MACROD2: variants seen among roughly 807,000 people sequenced by gnomAD.
The protein encoded by MACROD2 is mono-ADP ribosylhydrolase 2.
MACROD2 carries 36 observed loss-of-function variants against 70.4 expected under a neutral mutation model. The observed-to-expected ratio is 0.51, with a 90% CI of 0.39 to 0.68. The LOEUF is 0.68. MACROD2 is among the 30% of genes least tolerant of loss of function. The pLI, the probability that MACROD2 is intolerant of heterozygous loss-of-function variation, is 0.00. For synonymous variants in MACROD2, 172 were observed against 178.8 expected, an observed-to-expected ratio of 0.96 and a Z score of 0.30; for missense variants, 496 against 538.4, an observed-to-expected ratio of 0.92 and a Z score of 0.78.
chr20:15,965,354 C>T (rs1323066261), intron 12 of MACROD2, among the ~76,000 whole-genome samples: 1 of 152,102 alleles, frequency 6.6e-6, no homozygotes, highest in Non-Finnish European at 1.5e-5. Context: ...AAATGCTTTT[C>T]GCCCATCTTA....
chr20:15,603,037 C>G (rs2048844294), intron 8 of MACROD2, among the ~76,000 whole-genome samples: 2 of 151,936 alleles, frequency 1.3e-5, no homozygotes, highest in Admixed American at 1.3e-4. Context: ...GAGGGGGAGG[C>G]TTTATTTATA....
At chr20:14,818,026 G>T (rs1416232702) in intron 5 of MACROD2, among the ~76,000 whole-genome samples, 1 of 152,090 alleles carries the variant, frequency 6.6e-6, no homozygotes, top group South Asian at 2.1e-4. Flanking sequence ...ATCTTCTGTG[G>T]GCTTACATCC....
At chr20:14,008,076 C>T (rs2052847368) in intron 2 of MACROD2, among the ~76,000 whole-genome samples, 1 of 152,110 alleles carries the variant, frequency 6.6e-6, no homozygotes, top group Admixed American at 6.5e-5. Context: ...CAAAGATGGC[C>T]TCTCTCACCA....
intron 10 of MACROD2, among the ~76,000 whole-genome samples, chr20:15,898,143 T>C (rs1049387323): frequency 2.6e-5 from 4 of 152,116 alleles, no homozygotes; most frequent in Non-Finnish European, 5.9e-5. Context: ...AAAACTGACA[T>C]AGGCAAATCT....
intron 3 of MACROD2, among the ~76,000 whole-genome samples, chr20:14,430,809 G>C (rs1339897233): frequency 6.6e-6 from 1 of 152,130 alleles, no homozygotes; most frequent in Non-Finnish European, 1.5e-5. Context: ...TTCAAGGAAG[G>C]CTGCATGAGA....
intron 4 of MACROD2, among the ~76,000 whole-genome samples, chr20:14,548,717 C>CAAAAA (rs769527111): frequency 1.1e-5 from 1 of 89,238 alleles, no homozygotes; most frequent in Non-Finnish European, 2.3e-5. Context: ...GACTCCGTCT[C>CAAAAA]AAAAAAAAAA....
intron 4 of MACROD2, among the ~76,000 whole-genome samples, chr20:14,567,336 T>C (rs1979877605): frequency 6.6e-6 from 1 of 152,036 alleles, no homozygotes; most frequent in Non-Finnish European, 1.5e-5. Context: ...GCTAGATCCA[T>C]ATTTAATGGG....
intron 6 of MACROD2, among the ~76,000 whole-genome samples, chr20:15,313,510 A>G (rs1227988640): frequency 1.3e-4 from 19 of 151,114 alleles, no homozygotes; most frequent in Non-Finnish European, 2.5e-4. Context: ...CCGTCTCAAA[A>G]AAAAAAAAAA....
At chr20:14,704,982 A>G (rs2071252323) in intron 5 of MACROD2, among the ~76,000 whole-genome samples, 1 of 151,932 alleles carries the variant, frequency 6.6e-6, no homozygotes, top group Non-Finnish European at 1.5e-5. Flanking sequence ...ATTTAATAGT[A>G]TATATAGTTA....
At chr20:15,936,231 A>C (rs1257818514) in intron 11 of MACROD2, among the ~76,000 whole-genome samples, 1 of 145,668 alleles carries the variant, frequency 6.9e-6, no homozygotes, top group Non-Finnish European at 1.5e-5. Flanking sequence ...TAAACTATAG[A>C]GTCCATGTAG....
At chr20:15,770,084 A>ATTTTTTTTTTTTTTTTTTTTTT (rs1234797549) in intron 8 of MACROD2, among the ~76,000 whole-genome samples, 2 of 125,702 alleles carry the variant, frequency 1.6e-5, no homozygotes, top group Admixed American at 8.0e-5. Flanking sequence ...ATTTATTTTA[A>ATTTTTTTTTTTTTTTTTTTTTT]TTTTCTTTTT....
chr20:15,464,279 G>A lies in MACROD2; in HGVS notation c.571+32844G>A, dbSNP rs144788657. ...GATCCTCCTGCTTCAGCCTCCCAAC[G>A]TGTTGGGATTACAGGCATGAGCCAC... On this transcript the variant is annotated intron_variant, in intron 7 of 17. Transcript: ENST00000684519. 1.0e-3 allele frequency among the ~76,000 whole-genome samples: 152 copies of A among 152,120 alleles called. 1 individual carries two copies. The South Asian group carries it at 0.012, about 12-fold the overall frequency.
At chr20:14,456,930 G>A (rs1824858437) in intron 3 of MACROD2, among the ~76,000 whole-genome samples, 1 of 151,842 alleles carries the variant, frequency 6.6e-6, no homozygotes, top group African/African-American at 2.4e-5. Context: ...TGTTAGCCAG[G>A]ATGGTCTTGA....
At chr20:14,702,963 C>G (rs12480609) in intron 5 of MACROD2, among the ~76,000 whole-genome samples, 11,894 of 151,538 alleles carry the variant, frequency 0.078, 765 homozygotes, top group South Asian at 0.26. Context: ...CCTGACCTTA[C>G]GTGATCTGCC....
intron 8 of MACROD2, among the ~76,000 whole-genome samples, chr20:15,595,397 A>T (rs1045487106): frequency 6.6e-6 from 1 of 152,218 alleles, no homozygotes; most frequent in African/African-American, 2.4e-5. Flanking sequence ...ATGTATGATG[A>T]GCCTTAAGAA....
rs370259052 is a variant in MACROD2, at chr20:14,018,761, C to G, written c.163+16357C>G. Among the ~76,000 whole-genome samples the G allele has an allele frequency of 2.1e-4, 32 of 152,306 alleles. 1 individual carries two copies. The South Asian group carries it at 6.6e-3, about 32-fold the overall frequency. On this transcript the variant is annotated intron_variant, in intron 2 of 17. Transcript: ENST00000684519. ...AAAGTCTTCTGTTAATGTCACTCAT[C>G]TCATCTGGGTCACCGGAATTGTCAT...
At chr20:14,412,366 G>A (rs982201199) in intron 3 of MACROD2, among the ~76,000 whole-genome samples, 3 of 152,140 alleles carry the variant, frequency 2.0e-5, no homozygotes, top group Admixed American at 1.3e-4. Flanking sequence ...AATGGAAGCC[G>A]CTCTTCATAC....
chr20:14,074,091 C>G (rs1430643001), intron 2 of MACROD2, among the ~76,000 whole-genome samples: 2 of 152,158 alleles, frequency 1.3e-5, no homozygotes, highest in Non-Finnish European at 2.9e-5. Flanking sequence ...TACTGGCCTA[C>G]CTTCAGCAAG....
intron 4 of MACROD2, among the ~76,000 whole-genome samples, chr20:14,610,221 A>G (rs932039658): frequency 9.2e-5 from 14 of 152,304 alleles, no homozygotes; most frequent in Admixed American, 8.5e-4. Flanking sequence ...AAACAACATT[A>G]AAAGACTTAA....
Sources: allele counts gnomAD v4.1 joint callset (sites outside exome capture counted in the v4.1 genomes callset), GRCh38; gene constraint gnomAD v4.1.1; transcripts MANE v1.5; gene names NCBI Gene and HGNC (gene_info 2026-07-23, HGNC 2026-07-21).